P2RY14: variants seen among roughly 807,000 people sequenced by gnomAD.
P2RY14 encodes the protein P2Y purinoceptor 14.
In P2RY14, 2 loss-of-function variants were observed where a neutral mutation model predicts 0.9. That is an observed-to-expected ratio of 2.16 (90% CI 0.88 to 6.79). The LOEUF (loss-of-function observed/expected upper bound fraction) is 6.79. Among genes scored for constraint, P2RY14 ranks in the 30% most tolerant of loss-of-function variants. The pLI is 0.05. For missense variants in P2RY14, 378 were observed against 400.1 expected (o/e 0.94, Z 0.47); for synonymous variants, 158 against 147.2 (o/e 1.07, Z -0.53).
At chr3:151,267,634 G>C (rs1198688515) in intron 1 of P2RY14, among the ~76,000 whole-genome samples, 1 of 152,044 alleles carries the variant, frequency 6.6e-6, no homozygotes, top group Non-Finnish European at 1.5e-5. Context: ...AGTGTTTCAG[G>C]CTATAGAAAA....
At chr3:151,257,154 A>G (rs1251304506) in intron 1 of P2RY14, among the ~76,000 whole-genome samples, 1 of 152,208 alleles carries the variant, frequency 6.6e-6, no homozygotes, top group East Asian at 1.9e-4. Flanking sequence ...ACCATTTGGA[A>G]TGATTTTGAA....
At chr3:151,269,676 C>A in intron 1 of P2RY14, 1 of 414,680 alleles carries the variant, frequency 2.4e-6, no homozygotes, top group South Asian at 2.0e-5. Flanking sequence ...GGTATTAAAT[C>A]AGGTTACAGA....
At position 151,263,734 on chromosome 3, in the gene P2RY14, C is replaced by A. The variant is rs78816063; in HGVS notation, c.-133+14553G>T. Among the ~76,000 whole-genome samples, 462 of 144,082 alleles carry A rather than the reference C, an allele frequency of 3.2e-3. 3 individuals carry two copies. Among genetic ancestry groups the A allele is most frequent in the African/African-American group, 0.012 (443 of 37,432 alleles). The allele number at this position is 144,082 out of a possible 152,430, so 94.5% of individuals were successfully genotyped here. Reference sequence around the variant, plus strand: ...ATATAGAGATTAAGAATGCAGGCTACAGGGTTGGAATTCCTGGATTCCCGT... The same window carrying A: ...ATATAGAGATTAAGAATGCAGGCTAAAGGGTTGGAATTCCTGGATTCCCGT... On this transcript the variant is annotated intron_variant, in intron 1 of 2. Coordinates refer to ENST00000309170, the MANE Select transcript of P2RY14 (RefSeq NM_014879.4).
At position 151,224,976 on chromosome 3, in the gene P2RY14, C is replaced by T. The variant is rs536991936; in HGVS notation, c.-132-5334G>A. On this transcript the variant is annotated intron_variant, in intron 1 of 2. Transcript: ENST00000309170. The stretch of plus-strand genomic sequence containing the variant: ...TTTATGTTACTAAAATAACTTACAG[C>T]GTTTTACATCTTTAAAATATTTTAT... 6.7e-4 allele frequency among the ~76,000 whole-genome samples: 102 copies of T among 152,266 alleles called. 1 individual carries two copies. Among genetic ancestry groups the T allele is most frequent in the African/African-American group, 2.3e-3 (95 of 41,534 alleles).
chr3:151,215,755 T>G (rs1303981574), intron 2 of P2RY14, among the ~76,000 whole-genome samples: 1 of 152,230 alleles, frequency 6.6e-6, no homozygotes, highest in Admixed American at 6.5e-5. Flanking sequence ...GTCCTTGCCC[T>G]CAGGAGAATG....
chr3:151,240,030 T>C (rs1434031578), intron 1 of P2RY14, among the ~76,000 whole-genome samples: 4 of 81,274 alleles, frequency 4.9e-5, no homozygotes, highest in Middle Eastern at 5.6e-3. Flanking sequence ...CTGATGTCTT[T>C]CTCCCACCTT....
chr3:151,269,695 T>G, intron 1 of P2RY14: 1 of 418,340 alleles, frequency 2.4e-6, no homozygotes. Context: ...GAAAGATTTT[T>G]ATTTTGATGA....
chr3:151,215,886 G>T (rs980417010), intron 2 of P2RY14, among the ~76,000 whole-genome samples: 4 of 152,152 alleles, frequency 2.6e-5, no homozygotes, highest in African/African-American at 9.7e-5. Context: ...ATTTCTCTCA[G>T]CCTGGACCTT....
chr3:151,250,119 T>C (rs1316600862), intron 1 of P2RY14, among the ~76,000 whole-genome samples: 3 of 152,204 alleles, frequency 2.0e-5, no homozygotes, highest in African/African-American at 7.2e-5. Context: ...CTGCGTTTGC[T>C]GTCTCCACTT....
intron 1 of P2RY14, among the ~76,000 whole-genome samples, chr3:151,231,341 C>A (rs530802396): frequency 6.6e-6 from 1 of 152,152 alleles, no homozygotes; most frequent in African/African-American, 2.4e-5. Flanking sequence ...ATCTTTCAGT[C>A]TGAAAACATA....
At chr3:151,239,489 G>A (rs1733639626) in intron 1 of P2RY14, among the ~76,000 whole-genome samples, 2 of 152,192 alleles carry the variant, frequency 1.3e-5, no homozygotes, top group African/African-American at 4.8e-5. Flanking sequence ...TAGGCCAGAT[G>A]TTAAAGAGAT....
At chr3:151,261,950 C>T (rs775174934) in intron 1 of P2RY14, among the ~76,000 whole-genome samples, 2 of 152,128 alleles carry the variant, frequency 1.3e-5, no homozygotes, top group Non-Finnish European at 2.9e-5. Context: ...TGGTCTTGAA[C>T]TCCTGACCTC....
At chr3:151,266,959 T>G (rs539964861) in intron 1 of P2RY14, among the ~76,000 whole-genome samples, 13 of 152,312 alleles carry the variant, frequency 8.5e-5, no homozygotes, top group Admixed American at 7.8e-4. Context: ...TTCAGTATGG[T>G]TTAAAATGGA....
intron 1 of P2RY14, among the ~76,000 whole-genome samples, chr3:151,265,985 A>G (rs1739756852): frequency 6.6e-6 from 1 of 152,142 alleles, no homozygotes; most frequent in Non-Finnish European, 1.5e-5. Flanking sequence ...GAGGCATTTA[A>G]TTGTTGTCTG....
chr3:151,238,466 A>G (rs1177835705), intron 1 of P2RY14, among the ~76,000 whole-genome samples: 1 of 152,204 alleles, frequency 6.6e-6, no homozygotes, highest in East Asian at 1.9e-4. Flanking sequence ...GGTTTTTAAA[A>G]TGTGGTCTGC....
chr3:151,214,180 A>T lies in P2RY14; in HGVS notation c.137T>A (p.Ile46Lys), dbSNP rs1347979014. ...CTTAGAGCTGGGCACGTAAAAGAAT[A>T]TCCATCCTGACACTCCATTGAGTAG... is the stretch of plus-strand genomic sequence containing the variant. ...GILLNGVSGW[I>K]FFYVPSSKSF... is the part of the protein sequence containing the mutation. Residue 46 changes from isoleucine (I) to lysine (K), a missense_variant, in exon 3 of 3, where the codon ATA (isoleucine) becomes AAA (lysine). Ile to Lys is a moderately radical substitution (Grantham distance 102, BLOSUM62 -3). Transcript: ENST00000309170. 2 of 1,614,164 alleles carry T rather than the reference A, an allele frequency of 1.2e-6. No homozygotes were observed. The highest frequency in any genetic ancestry group is 4.5e-5 in the East Asian group (2 of 44,884).
At chr3:151,224,799 T>C (rs978561713) in intron 1 of P2RY14, among the ~76,000 whole-genome samples, 1 of 152,204 alleles carries the variant, frequency 6.6e-6, no homozygotes, top group African/African-American at 2.4e-5. Context: ...CCTGACCCTC[T>C]TTGCAGCATT....
chr3:151,242,263 G>A (rs895675128), intron 1 of P2RY14, among the ~76,000 whole-genome samples: 5 of 152,244 alleles, frequency 3.3e-5, no homozygotes, highest in African/African-American at 1.2e-4. Flanking sequence ...AAACTGGGCG[G>A]AGCCCACCAC....
At chr3:151,218,039 T>C (rs1039861523) in intron 2 of P2RY14, among the ~76,000 whole-genome samples, 1 of 152,212 alleles carries the variant, frequency 6.6e-6, no homozygotes, top group African/African-American at 2.4e-5. Flanking sequence ...TGATATCTAC[T>C]CAGTCTCCTC....
Sources: allele counts gnomAD v4.1 joint callset (sites outside exome capture counted in the v4.1 genomes callset), GRCh38; gene constraint gnomAD v4.1.1; transcripts MANE v1.5; gene names NCBI Gene and HGNC (gene_info 2026-07-23, HGNC 2026-07-21).